The following PPARD variants were observed in gnomAD, a reference collection of about 807,000 sequenced individuals.
The protein encoded by PPARD is peroxisome proliferator-activated receptor delta.
PPARD carries 6 observed loss-of-function variants against 39.5 expected under a neutral mutation model. That is an observed-to-expected ratio of 0.15 (90% CI 0.08 to 0.30). The LOEUF is 0.30. Among genes scored for constraint, PPARD ranks in the 10% least tolerant of loss-of-function variants. The pLI is 1.00. For missense variants in PPARD, 397 were observed against 596.8 expected (o/e 0.67, Z 3.49); for synonymous variants, 210 against 231.3 (o/e 0.91, Z 0.83).
chr6:35,356,640 G>C (rs1046066010), intron 2 of PPARD, among the ~76,000 whole-genome samples: 1 of 152,112 alleles, frequency 6.6e-6, no homozygotes, highest in African/African-American at 2.4e-5. Flanking sequence ...GTAGGATGTT[G>C]AGCAGCATCC....
At chr6:35,382,164 G>T (rs986164665) in intron 2 of PPARD, among the ~76,000 whole-genome samples, 3 of 152,196 alleles carry the variant, frequency 2.0e-5, no homozygotes, top group Non-Finnish European at 4.4e-5. Context: ...TTGGCCTAGT[G>T]GGAAGCTCTG....
rs111927117 is a variant in PPARD at position 35,425,247 on chromosome 6, C to T, written c.1078+468C>T. 3,174 of 998,468 alleles carry T rather than the reference C, an allele frequency of 3.2e-3. 92 individuals are homozygous for T. The African/African-American group carries it at 0.048, about 15-fold the overall frequency. The allele number at this position is 998,468 out of a possible 1,614,324, so 61.9% of individuals were successfully genotyped here. The stretch of plus-strand genomic sequence containing the variant: ...CAAAATCCCACCACTGCACTCCAGC[C>T]TGGGTGACAGAGTGAGACCCTGTCT... On this transcript the variant is annotated intron_variant, in intron 7 of 7. Transcript: ENST00000360694. This position sits in a 1 kb window ranked among gnomAD's most constrained non-coding sequence, Gnocchi z 4.5.
intron 2 of PPARD, among the ~76,000 whole-genome samples, chr6:35,383,282 G>T (rs1232542572): frequency 2.6e-5 from 4 of 152,184 alleles, no homozygotes; most frequent in Non-Finnish European, 5.9e-5. Flanking sequence ...GGGGAAAGAA[G>T]CATATGGTGA....
chr6:35,393,876 G>A (rs1562202180), intron 2 of PPARD, among the ~76,000 whole-genome samples: 1 of 152,182 alleles, frequency 6.6e-6, no homozygotes, highest in Non-Finnish European at 1.5e-5. Context: ...AAAGGGACAG[G>A]AGGACTGAGA....
At chr6:35,399,340 C>T (rs920552940) in intron 2 of PPARD, among the ~76,000 whole-genome samples, 2 of 140,758 alleles carry the variant, frequency 1.4e-5, no homozygotes, top group Non-Finnish European at 3.0e-5. Context: ...GCAGAGTTTG[C>T]ACTGAGCTGA....
chr6:35,375,209 G>GTTTTTTT (rs558275286), intron 2 of PPARD, among the ~76,000 whole-genome samples: 95 of 59,234 alleles, frequency 1.6e-3, no homozygotes, highest in East Asian at 2.2e-3. Flanking sequence ...CTCCTTCCGA[G>GTTTTTTT]TTTTTTTTTT....
At chr6:35,347,023 G>A in intron 1 of PPARD, 44 bp from the exon 2 acceptor site, 1 of 1,297,944 alleles carries the variant, frequency 7.7e-7, no homozygotes, top group South Asian at 1.3e-5. Context: ...GAGGGCCCCT[G>A]GCACCTGTCA....
At chr6:35,343,510 C>A (rs981487536) in intron 1 of PPARD, among the ~76,000 whole-genome samples, 1 of 152,186 alleles carries the variant, frequency 6.6e-6, no homozygotes. Flanking sequence ...TTTCACTTGA[C>A]CTGCAGTTGA....
intron 2 of PPARD, among the ~76,000 whole-genome samples, chr6:35,361,648 G>A (rs1669582510): frequency 6.6e-6 from 1 of 152,216 alleles, no homozygotes; most frequent in South Asian, 2.1e-4. Context: ...CCTGGAGTGT[G>A]CTCCTGCCAG....
chr6:35,411,368 G>A (rs1581652149), intron 3 of PPARD, 151 bp downstream of exon 3: 8 of 1,008,104 alleles, frequency 7.9e-6, no homozygotes, highest in African/African-American at 1.7e-5. Flanking sequence ...CGCCCAGTGC[G>A]GTGGGGATCT....
In PPARD at chr6:35,423,829, C is replaced by CT. The variant is rs775457573; in HGVS notation, c.425-115dup. On this transcript the variant is annotated intron_variant, in intron 5 of 7. Coordinates refer to ENST00000360694, the MANE Select transcript of PPARD (RefSeq NM_006238.5). The stretch of plus-strand genomic sequence containing the variant: ...CATTCCTACCTTGCTGACTCTAGAG[C>CT]TTCTGGGGGCCTTAGGCTCCAAAAG... 1.6e-5 allele frequency: 15 copies of CT among 916,094 alleles called. No individual in the cohort carries two copies. In the East Asian group the frequency reaches 2.6e-4, roughly 16 times the overall value. The allele number at this position is 916,094 out of a possible 1,614,324, so 56.7% of individuals were successfully genotyped here.
At chr6:35,390,470 G>C (rs942489414) in intron 2 of PPARD, among the ~76,000 whole-genome samples, 4 of 152,148 alleles carry the variant, frequency 2.6e-5, no homozygotes, top group Non-Finnish European at 4.4e-5. Flanking sequence ...ACGAAGGCTG[G>C]CCATCAAGAT....
At chr6:35,378,774 C>G (rs1762962138) in intron 2 of PPARD, among the ~76,000 whole-genome samples, 1 of 152,110 alleles carries the variant, frequency 6.6e-6, no homozygotes, top group African/African-American at 2.4e-5. Context: ...CTTCTGACCT[C>G]GTTAAGATTT....
chr6:35,348,872 G>A, intron 2 of PPARD: 6 of 985,424 alleles, frequency 6.1e-6, no homozygotes, highest in Non-Finnish European at 6.0e-6. Context: ...TGAGCGGGGA[G>A]AGCTACTGAG....
intron 2 of PPARD, among the ~76,000 whole-genome samples, chr6:35,367,161 T>C (rs1290313445): frequency 6.6e-6 from 1 of 152,120 alleles, no homozygotes; most frequent in Non-Finnish European, 1.5e-5. Context: ...AAGATAACAC[T>C]GTAACAGGAA....
In PPARD at chr6:35,406,487, G is replaced by C. The variant is rs1765058109; in HGVS notation, c.-101-4500G>C. ...GGCCATATGAAAATGGCAGGCTTCTGGCAAAATGCAGGGATGGGCTGCAGC... is the reference window on the plus strand; with the variant it reads ...GGCCATATGAAAATGGCAGGCTTCTCGCAAAATGCAGGGATGGGCTGCAGC... On this transcript the variant is annotated intron_variant, in intron 2 of 7. Coordinates refer to ENST00000360694, the MANE Select transcript of PPARD (RefSeq NM_006238.5). Among the ~76,000 whole-genome samples, 3 of 152,176 alleles carry C rather than the reference G, an allele frequency of 2.0e-5. No individual in the cohort carries two copies. The South Asian group carries it at 6.2e-4, about 32-fold the overall frequency.
chr6:35,371,612 G>A (rs1762486339), intron 2 of PPARD, among the ~76,000 whole-genome samples: 1 of 152,070 alleles, frequency 6.6e-6, no homozygotes, highest in South Asian at 2.1e-4. Flanking sequence ...CCATGCACAG[G>A]TCGTTCCTCC....
At chr6:35,404,453 T>TG (rs1286145545) in intron 2 of PPARD, among the ~76,000 whole-genome samples, 9 of 152,200 alleles carry the variant, frequency 5.9e-5, no homozygotes, top group Non-Finnish European at 1.2e-4. Context: ...TCCATCAGGC[T>TG]GTACCATGTG....
chr6:35,358,347 A>G (rs1409635194), intron 2 of PPARD, among the ~76,000 whole-genome samples: 1 of 152,238 alleles, frequency 6.6e-6, no homozygotes, highest in Non-Finnish European at 1.5e-5. Flanking sequence ...CCCTGCCAAC[A>G]CACTGATTTT....
Sources: allele counts gnomAD v4.1 joint callset (sites outside exome capture counted in the v4.1 genomes callset), GRCh38; gene constraint gnomAD v4.1.1; non-coding constraint Gnocchi (gnomAD v3.1); transcripts MANE v1.5; gene names NCBI Gene and HGNC (gene_info 2026-07-23, HGNC 2026-07-21).